CDK12: variants seen among roughly 807,000 people sequenced by gnomAD.
The protein encoded by CDK12 is cyclin-dependent kinase 12.
Under a neutral mutation model 133.8 loss-of-function variants are expected in CDK12, and 17 were observed. The ratio of observed to expected loss-of-function variants is 0.13; its 90% CI spans 0.09 to 0.19. The LOEUF (loss-of-function observed/expected upper bound fraction) is 0.19. Among genes scored for constraint, CDK12 ranks in the 10% least tolerant of loss-of-function variants. The pLI is 1.00. For synonymous variants in CDK12, 694 were observed against 683.6 expected (o/e 1.02, Z -0.24); for missense variants, 1,508 against 1,818.7 (o/e 0.83, Z 3.11).
chr17:39,487,858 G>A (rs1256398518), intron 2 of CDK12, among the ~76,000 whole-genome samples: 5 of 151,896 alleles, frequency 3.3e-5, no homozygotes, highest in Non-Finnish European at 7.4e-5. Context: ...CAACTGATCC[G>A]CCTGCCTTGG....
In CDK12 at chr17:39,462,604, A is replaced by G. The variant is rs984483662; in HGVS notation, c.533A>G (p.Lys178Arg). 7 of 1,614,162 alleles carry G rather than the reference A, an allele frequency of 4.3e-6. No homozygotes were observed. The highest frequency in any genetic ancestry group is 1.3e-5 in the African/African-American group (1 of 75,042). Residue 178 changes from lysine to arginine, a missense_variant, in exon 1 of 14, where the codon AAG becomes AGG. Lys to Arg is a conservative substitution (Grantham distance 26). Around this residue, in one of 9 missense-constraint regions of CDK12, gnomAD observed 460 missense variants for 490.8 expected, o/e 0.94. Coordinates refer to ENST00000447079, the MANE Select transcript of CDK12 (RefSeq NM_016507.4). ...KSSSKESRSS[K>R]LHKEKTRKER... is the part of the protein sequence containing the mutation. Reference sequence around the variant, plus strand: ...AGCAGCAAGGAATCCAGGTCATCCAAGCTCCACAAGGAGAAGACCAGGAAA... The same window carrying G: ...AGCAGCAAGGAATCCAGGTCATCCAGGCTCCACAAGGAGAAGACCAGGAAA...
At position 39,525,874 on chromosome 17, in the gene CDK12, C is replaced by G. The variant is rs148645937; in HGVS notation, c.3318C>G (p.Asp1106Glu). ...SGAGDAIGLA[D>E]ITQQLNQSEL... ...ACTGTCTTTCAACAGGCCTTGCTGA[C>G]ATCACACAACAGCTGAATCAAAGTG... is the stretch of plus-strand genomic sequence containing the variant. The change falls in exon 13 of 14, where the codon GAC (aspartate) becomes GAG (glutamate). Residue 1106 changes from aspartate to glutamate, a missense_variant. Asp to Glu is a conservative substitution (Grantham distance 45, BLOSUM62 2). Coordinates refer to ENST00000447079, the MANE Select transcript of CDK12 (RefSeq NM_016507.4). 8.1e-6 allele frequency: 13 copies of G among 1,613,274 alleles called. No homozygotes were observed. The highest frequency in any genetic ancestry group is 1.1e-5 in the Non-Finnish European group (13 of 1,179,452).
chr17:39,494,664 C>G lies in CDK12; in HGVS notation c.2389C>G (p.Gln797Glu), dbSNP rs1482109733. The change falls in exon 5 of 14, where the codon CAA becomes GAA. Residue 797 changes from glutamine to glutamate, a missense_variant. Transcript: ENST00000447079. Reference protein sequence around the residue: ...VNMKEIVTDKQDALDFKKDKG... With the variant: ...VNMKEIVTDKEDALDFKKDKG... ...CATGAAGGAAATTGTCACAGATAAACAAGATGCACTGGATTTCAAGAAGGA... is the reference window on the plus strand; with the variant it reads ...CATGAAGGAAATTGTCACAGATAAAGAAGATGCACTGGATTTCAAGAAGGA... 6.3e-7 allele frequency: 1 copy of G among 1,584,850 alleles called. No individual in the cohort carries two copies. Among genetic ancestry groups the G allele is most frequent in the East Asian group, 2.3e-5 (1 of 42,994 alleles).
chr17:39,519,403 G>C (rs2054023977), intron 10 of CDK12, among the ~76,000 whole-genome samples: 1 of 143,364 alleles, frequency 7.0e-6, no homozygotes, highest in Non-Finnish European at 1.5e-5. Context: ...CCGCCTCCTG[G>C]GTCCAAGCGA....
At chr17:39,480,597 A>G (rs1185237959) in intron 2 of CDK12, among the ~76,000 whole-genome samples, 1 of 151,654 alleles carries the variant, frequency 6.6e-6, no homozygotes, top group Non-Finnish European at 1.5e-5. Flanking sequence ...AATTTTTTGT[A>G]TGTGTAGTAG....
At chr17:39,510,114 C>CTTTTTTTTTTT (rs762953806) in intron 7 of CDK12, among the ~76,000 whole-genome samples, 2 of 125,480 alleles carry the variant, frequency 1.6e-5, no homozygotes, top group African/African-American at 3.2e-5. Flanking sequence ...CAATCTCTCT[C>CTTTTTTTTTTT]TTTTTTTTTT....
chr17:39,474,073 A>G (rs2145291297), intron 2 of CDK12, among the ~76,000 whole-genome samples: 1 of 152,182 alleles, frequency 6.6e-6, no homozygotes, highest in Non-Finnish European at 1.5e-5. Flanking sequence ...GTATATATGT[A>G]TTTCCTTAAT....
intron 8 of CDK12, among the ~76,000 whole-genome samples, chr17:39,514,476 G>T (rs2053675051): frequency 6.6e-6 from 1 of 151,834 alleles, no homozygotes; most frequent in African/African-American, 2.4e-5. Context: ...TTAAAAAAAT[G>T]AAAAATTTCA....
At chr17:39,504,971 C>T (rs943960640) in intron 6 of CDK12, among the ~76,000 whole-genome samples, 1 of 150,756 alleles carries the variant, frequency 6.6e-6, no homozygotes, top group Non-Finnish European at 1.5e-5. Context: ...TGGCTCACAC[C>T]TGTAATCCCA....
At chr17:39,489,309 G>C (rs1219310656) in intron 2 of CDK12, among the ~76,000 whole-genome samples, 2 of 151,682 alleles carry the variant, frequency 1.3e-5, no homozygotes, top group Admixed American at 1.3e-4. Context: ...AGTTCAGGCA[G>C]TCTGCCCACC....
intron 8 of CDK12, among the ~76,000 whole-genome samples, chr17:39,514,121 C>T (rs2053652361): frequency 6.6e-6 from 1 of 152,004 alleles, no homozygotes; most frequent in South Asian, 2.1e-4. Context: ...GTCTCAAACT[C>T]CTGGGCTCAA....
Position 39,526,050 on chromosome 17 carries a change from C to T in CDK12, c.3494C>T (p.Ser1165Phe), listed in dbSNP as rs2146716938. The change falls in exon 13 of 14, where the codon TCC becomes TTC. Residue 1165 changes from serine (S) to phenylalanine (F), a missense_variant. Physicochemically the swap from Ser to Phe is radical, Grantham distance 155 (BLOSUM62 -2). This residue lies in a region of CDK12 where 399 missense variants were observed against 469.6 expected (regional missense o/e 0.85). Coordinates refer to ENST00000447079, the MANE Select transcript of CDK12 (RefSeq NM_016507.4). Reference sequence around the variant, plus strand: ...ATCAGTGCCCTGACGGAAGCTACTTCCCAGCAGCAGGACTCAGAGACCATG... The same window carrying T: ...ATCAGTGCCCTGACGGAAGCTACTTTCCAGCAGCAGGACTCAGAGACCATG... ...QSISALTEAT[S>F]QQQDSETMAP... 1 of 1,614,212 alleles carries T rather than the reference C, an allele frequency of 6.2e-7. No homozygotes were observed. Among genetic ancestry groups the T allele is most frequent in the Non-Finnish European group, 8.5e-7 (1 of 1,180,028 alleles).
At chr17:39,509,331 T>C (rs1414510993) in intron 6 of CDK12, among the ~76,000 whole-genome samples, 1 of 152,210 alleles carries the variant, frequency 6.6e-6, no homozygotes, top group African/African-American at 2.4e-5. Context: ...AATCATTTCT[T>C]TTTTTTCCCA....
chr17:39,515,943 T>A (rs1323691659), intron 9 of CDK12, 135 bp downstream of exon 9: 1 of 567,772 alleles, frequency 1.8e-6, no homozygotes, highest in Non-Finnish European at 3.1e-6. Flanking sequence ...CTCAGTCAGG[T>A]TTACCATATA....
In CDK12 at chr17:39,462,351, A is replaced by G; in HGVS notation, c.280A>G (p.Arg94Gly). The change falls in exon 1 of 14, where the codon AGG (arginine) becomes GGG (glycine). Residue 94 changes from arginine (R) to glycine (G), a missense_variant. This residue lies in a region of CDK12 where 460 missense variants were observed against 490.8 expected (regional missense o/e 0.94). Coordinates refer to ENST00000447079, the MANE Select transcript of CDK12 (RefSeq NM_016507.4). Reference protein sequence around the residue: ...SDDMAFKLDRRENDERRGSDR... With the variant: ...SDDMAFKLDRGENDERRGSDR... ...TGACATGGCCTTCAAACTAGACCGA[A>G]GGGAGAACGACGAACGTCGTGGATC... The G allele has an allele frequency of 1.2e-6, 2 of 1,614,234 alleles. No homozygotes were observed. Among genetic ancestry groups the G allele is most frequent in the Non-Finnish European group, 1.7e-6 (2 of 1,180,038 alleles).
chr17:39,467,652 T>C (rs2049448351), intron 1 of CDK12, among the ~76,000 whole-genome samples: 3 of 152,294 alleles, frequency 2.0e-5, no homozygotes, highest in South Asian at 2.1e-4. Flanking sequence ...ACAGTAGTAC[T>C]TGGTAGCTAG....
chr17:39,514,002 A>C (rs954450896), intron 8 of CDK12, among the ~76,000 whole-genome samples: 1 of 152,162 alleles, frequency 6.6e-6, no homozygotes, highest in Non-Finnish European at 1.5e-5. Flanking sequence ...CGCTGTGACG[A>C]CAACATTGCA....
Position 39,471,354 on chromosome 17 carries a change from C to T in CDK12, c.1522C>T (p.Leu508=). 6.2e-7 allele frequency: 1 copy of T among 1,614,084 alleles called. No homozygotes were observed. Among genetic ancestry groups the T allele is most frequent in the South Asian group, 1.1e-5 (1 of 91,080 alleles). Residue 508 remains leucine (L), a synonymous_variant, in exon 2 of 14, where the codon CTG becomes TTG. Transcript: ENST00000447079. The part of the protein sequence containing the change: ...QGTRDSKPIA[L]KEEIVTPKET... Reference sequence around the variant, plus strand: ...AACAAGAGACTCTAAACCCATAGCACTGAAAGAGGAGATTGTTACTCCAAA... The same window carrying T: ...AACAAGAGACTCTAAACCCATAGCATTGAAAGAGGAGATTGTTACTCCAAA...
At chr17:39,463,644 C>G (rs1398236766) in intron 1 of CDK12, among the ~76,000 whole-genome samples, 1 of 151,876 alleles carries the variant, frequency 6.6e-6, no homozygotes, top group South Asian at 2.1e-4. Context: ...AGATTCCTGT[C>G]TTTTAACTGA....
Sources: allele counts gnomAD v4.1 joint callset (sites outside exome capture counted in the v4.1 genomes callset), GRCh38; gene constraint gnomAD v4.1.1; regional missense constraint gnomAD v4.1.1; transcripts MANE v1.5; gene names NCBI Gene and HGNC (gene_info 2026-07-23, HGNC 2026-07-21).